Variants in LINGO2 observed in about 807,000 individuals in gnomAD.
LINGO2 encodes the protein leucine rich repeat and Ig domain containing 2.
Under a neutral mutation model 30.6 loss-of-function variants are expected in LINGO2, and 14 were observed. The observed-to-expected ratio is 0.46, with a 90% CI of 0.30 to 0.72. The LOEUF (loss-of-function observed/expected upper bound fraction) is 0.72. LINGO2 is among the 30% of genes least tolerant of loss of function. The pLI is 0.07. For synonymous variants in LINGO2, 317 were observed against 288.5 expected, an observed-to-expected ratio of 1.10 and a Z score of -1.00; for missense variants, 729 against 751.7, an observed-to-expected ratio of 0.97 and a Z score of 0.35.
chr9:28,467,037 G>GC (rs1032341012), intron 2 of LINGO2, among the ~76,000 whole-genome samples: 5 of 145,800 alleles, frequency 3.4e-5, no homozygotes, highest in Non-Finnish European at 6.1e-5. Context: ...TTTTTTTTTG[G>GC]GGGGGGGGGA....
chr9:28,355,715 C>A (rs1296103027), intron 3 of LINGO2, among the ~76,000 whole-genome samples: 3 of 152,072 alleles, frequency 2.0e-5, no homozygotes, highest in Non-Finnish European at 4.4e-5. Flanking sequence ...AGGATCGAAA[C>A]CCTAGGCTAA....
intron 1 of LINGO2, among the ~76,000 whole-genome samples, chr9:28,628,482 C>T (rs956204900): frequency 2.6e-5 from 4 of 152,082 alleles, no homozygotes; most frequent in Non-Finnish European, 5.9e-5. Context: ...TGCTGATTTA[C>T]AGAGAAGGTT....
At chr9:28,904,715 A>G in the LINGO2 span, among the ~76,000 whole-genome samples, 2 of 152,098 alleles carry the variant, frequency 1.3e-5, no homozygotes, top group East Asian at 3.9e-4. Flanking sequence ...ATAAATAGTA[A>G]TCTATTTTGT....
At chr9:28,008,261 G>T (rs1284594767) in intron 5 of LINGO2, among the ~76,000 whole-genome samples, 1 of 151,980 alleles carries the variant, frequency 6.6e-6, no homozygotes, top group East Asian at 1.9e-4. Flanking sequence ...CAGCCTTCTG[G>T]TATTTATTCC....
intron 1 of LINGO2, among the ~76,000 whole-genome samples, chr9:28,604,495 C>T (rs1587946246): frequency 6.6e-6 from 1 of 151,954 alleles, no homozygotes. Context: ...TTATCATAAT[C>T]ATGTGTTTTT....
At chr9:29,149,823 T>A in the LINGO2 span, among the ~76,000 whole-genome samples, 1 of 152,202 alleles carries the variant, frequency 6.6e-6, no homozygotes, top group East Asian at 1.9e-4. Context: ...CATCTTCCTC[T>A]GAGTAGCTCT....
chr9:28,608,723 T>G lies in LINGO2; in HGVS notation c.-365+61477A>C, dbSNP rs77118310. Among the ~76,000 whole-genome samples the G allele has an allele frequency of 2.1e-4, 31 of 149,536 alleles. 1 individual carries two copies. The East Asian group carries it at 4.6e-3, about 22-fold the overall frequency. On this transcript the variant is annotated intron_variant, in intron 1 of 5. Transcript: ENST00000379992. The stretch of plus-strand genomic sequence containing the variant: ...CCTTAAGCTAAAACTAACTGTATCA[T>G]TTTAGCTAGAGAGAAGCATGCTTCA...
the LINGO2 span, among the ~76,000 whole-genome samples, chr9:28,893,470 T>C: frequency 6.6e-6 from 1 of 151,992 alleles, no homozygotes; most frequent in East Asian, 1.9e-4. Flanking sequence ...TTTTTAAAAA[T>C]ATAAATTGCT....
chr9:29,065,402 G>T, the LINGO2 span, among the ~76,000 whole-genome samples: 1 of 151,962 alleles, frequency 6.6e-6, no homozygotes, highest in Non-Finnish European at 1.5e-5. Context: ...TATAGTTATA[G>T]GTTTTACATT....
the LINGO2 span, among the ~76,000 whole-genome samples, chr9:28,768,971 C>T: frequency 6.6e-6 from 1 of 151,892 alleles, no homozygotes; most frequent in East Asian, 1.9e-4. Context: ...CTCTCAAAGA[C>T]ACAGATAGAA....
the LINGO2 span, among the ~76,000 whole-genome samples, chr9:28,755,546 C>A: frequency 6.6e-6 from 1 of 152,048 alleles, no homozygotes; most frequent in Non-Finnish European, 1.5e-5. Context: ...TCCTTCTCTG[C>A]CAAGGCTATG....
chr9:28,272,174 C>T (rs548009822), intron 4 of LINGO2, among the ~76,000 whole-genome samples: 100 of 152,240 alleles, frequency 6.6e-4, no homozygotes, highest in African/African-American at 2.4e-3. Context: ...TGTTCTCTCC[C>T]CTTTGCCTAC....
At chr9:29,079,724 T>C in the LINGO2 span, among the ~76,000 whole-genome samples, 2 of 151,962 alleles carry the variant, frequency 1.3e-5, no homozygotes, top group Admixed American at 6.6e-5. Flanking sequence ...ATGCAAAGTA[T>C]GCCTACCAAA....
intron 2 of LINGO2, among the ~76,000 whole-genome samples, chr9:28,422,780 T>C (rs1823253088): frequency 6.6e-6 from 1 of 152,088 alleles, no homozygotes; most frequent in South Asian, 2.1e-4. Context: ...TATGTGGCCA[T>C]TGGTAGATGA....
rs1554713845 is a variant in LINGO2 at position 28,380,403 on chromosome 9, T to TTTC, written c.-278-7536_-278-7535insGAA. Among the ~76,000 whole-genome samples the TTTC allele has an allele frequency of 1.8e-3, 269 of 150,474 alleles. 2 individuals carry two copies. The highest frequency in any genetic ancestry group is 5.8e-3 in the African/African-American group (238 of 41,090). ...ATGACTATAAAGGTTTTTTTTTTTT[T>TTTC]CCAATGGTAAGAGTCTTTAAAATAC... On this transcript the variant is annotated intron_variant, in intron 2 of 5. Transcript: ENST00000379992.
At chr9:29,213,119 G>A in the LINGO2 span, among the ~76,000 whole-genome samples, 22 of 152,116 alleles carry the variant, frequency 1.4e-4, no homozygotes, top group Admixed American at 4.6e-4. Context: ...AGTGGAAATG[G>A]AGACCGGGAC....
chr9:29,093,029 GTATA>G, the LINGO2 span, among the ~76,000 whole-genome samples: 1,501 of 98,276 alleles, frequency 0.015, 180 homozygotes, highest in African/African-American at 0.03. Flanking sequence ...TAATGTGTGT[GTATA>G]TATATATATA....
rs529283667 is a variant in LINGO2 at position 28,227,207 on chromosome 9, G to T, written c.-87+68001C>A. 6.6e-5 allele frequency among the ~76,000 whole-genome samples: 10 copies of T among 152,196 alleles called. No individual in the cohort carries two copies. The South Asian group carries it at 1.7e-3, about 25-fold the overall frequency. Reference sequence around the variant, plus strand: ...TCTGATAATGTATGCAAATCCAATAGGAGCTGGCAGAACAAGAAGTAAAAT... The same window carrying T: ...TCTGATAATGTATGCAAATCCAATATGAGCTGGCAGAACAAGAAGTAAAAT... On this transcript the variant is annotated intron_variant, in intron 4 of 5. Coordinates refer to ENST00000379992, the Ensembl canonical transcript of LINGO2.
chr9:29,177,197 A>G, the LINGO2 span, among the ~76,000 whole-genome samples: 1 of 152,204 alleles, frequency 6.6e-6, no homozygotes, highest in Non-Finnish European at 1.5e-5. Context: ...AAGATAAATG[A>G]ATTAGTAAAT....
Sources: allele counts gnomAD v4.1 joint callset (sites outside exome capture counted in the v4.1 genomes callset), GRCh38; gene constraint gnomAD v4.1.1; transcripts MANE v1.5; gene names NCBI Gene and HGNC (gene_info 2026-07-23, HGNC 2026-07-21).